SYNJ2: variants seen among roughly 807,000 people sequenced by gnomAD.
SYNJ2 encodes the protein synaptojanin 2, also known as polyphosphatidylinositol phosphatase SYNJ2.
SYNJ2 carries 116 observed loss-of-function variants against 141.3 expected under a neutral mutation model. The observed-to-expected ratio is 0.82, with a 90% CI of 0.71 to 0.96. SYNJ2 has a LOEUF of 0.96. SYNJ2 is among the 40% of genes least tolerant of loss of function. The pLI is 0.00. For synonymous variants in SYNJ2, 745 were observed against 777.7 expected (o/e 0.96, Z 0.70); for missense variants, 1,873 against 1,934.8 (o/e 0.97, Z 0.60).
intron 1 of SYNJ2, among the ~76,000 whole-genome samples, chr6:157,996,327 C>G (rs924984557): frequency 6.6e-6 from 1 of 152,130 alleles, no homozygotes; most frequent in Admixed American, 6.5e-5. Flanking sequence ...GCTGCTACAT[C>G]GAGAGTGCAG....
chr6:158,026,165 G>A (rs960162231), intron 2 of SYNJ2, among the ~76,000 whole-genome samples: 9 of 152,208 alleles, frequency 5.9e-5, no homozygotes, highest in East Asian at 3.9e-4. Flanking sequence ...ACAGTCATGC[G>A]TGTGTGAAAT....
At chr6:158,031,778 C>G (rs1779378312) in intron 3 of SYNJ2, among the ~76,000 whole-genome samples, 1 of 152,110 alleles carries the variant, frequency 6.6e-6, no homozygotes, top group African/African-American at 2.4e-5. Flanking sequence ...TGGGAGGAAA[C>G]TCTTTGGGGG....
At chr6:158,069,756 C>A (rs1203427520) in intron 14 of SYNJ2, 83 bp downstream of exon 14, 2 of 1,437,526 alleles carry the variant, frequency 1.4e-6, no homozygotes, top group East Asian at 4.8e-5. Context: ...CCCCTCCTCC[C>A]CCATCCCCTT....
At chr6:158,041,136 G>A (rs369844698) in intron 4 of SYNJ2, among the ~76,000 whole-genome samples, 1 of 152,172 alleles carries the variant, frequency 6.6e-6, no homozygotes, top group Non-Finnish European at 1.5e-5. Flanking sequence ...TGAACTTCAT[G>A]TAGAGAGAGG....
chr6:158,066,357 C>T (rs1781563545), intron 11 of SYNJ2, 87 bp from the exon 12 acceptor site: 2 of 1,478,840 alleles, frequency 1.4e-6, no homozygotes, highest in Non-Finnish European at 1.9e-6. Flanking sequence ...AACCATCTGT[C>T]TCTGCCAGGC....
intron 26 of SYNJ2, chr6:158,093,985 T>G (rs780106194): frequency 2.1e-5 from 16 of 765,182 alleles, no homozygotes; most frequent in Non-Finnish European, 2.6e-5. Flanking sequence ...CTGGCATCTG[T>G]AGACACATCT....
In SYNJ2 at chr6:158,027,049, A is replaced by G. The variant is rs2128334905; in HGVS notation, c.215-1707A>G. ...AACCCCCTGCCCTGCTGGCAGCCCC[A>G]CCCCATGGCATAGCAGCAGGCCCCT... On this transcript the variant is annotated intron_variant, in intron 2 of 26. Transcript: ENST00000355585. This position sits in a 1 kb window ranked among gnomAD's most constrained non-coding sequence, Gnocchi z 4.6. The G allele has an allele frequency of 4.1e-6, 4 of 985,148 alleles. No homozygotes were observed. Among genetic ancestry groups the G allele is most frequent in the Non-Finnish European group, 4.8e-6 (4 of 829,878 alleles). 61.0% of individuals were successfully genotyped at this position (985,148 alleles called of 1,614,324 possible).
chr6:158,052,068 A>C (rs1485271058), intron 5 of SYNJ2, among the ~76,000 whole-genome samples: 1 of 152,218 alleles, frequency 6.6e-6, no homozygotes, highest in Non-Finnish European at 1.5e-5. Context: ...GCTTTTCTTG[A>C]GTCTGAGATG....
intron 7 of SYNJ2, among the ~76,000 whole-genome samples, chr6:158,061,649 C>T (rs541453392): frequency 6.6e-6 from 1 of 151,846 alleles, no homozygotes; most frequent in East Asian, 1.9e-4. Flanking sequence ...GCACCTGGGC[C>T]ACCTGAAGAA....
At chr6:158,081,592 C>A in intron 20 of SYNJ2, 82 bp downstream of exon 20, 1 of 688,728 alleles carries the variant, frequency 1.5e-6, no homozygotes, top group Non-Finnish European at 2.4e-6. Context: ...CCTCCTCTTG[C>A]CCTGACCTGT....
At chr6:158,057,444 A>G (rs1248535387) in intron 6 of SYNJ2, among the ~76,000 whole-genome samples, 1 of 152,164 alleles carries the variant, frequency 6.6e-6, no homozygotes, top group African/African-American at 2.4e-5. Flanking sequence ...CACGTCCCAC[A>G]CACCAAGCAC....
At chr6:158,003,261 G>C (rs1055216035) in intron 1 of SYNJ2, among the ~76,000 whole-genome samples, 1 of 152,216 alleles carries the variant, frequency 6.6e-6, no homozygotes, top group Non-Finnish European at 1.5e-5. Flanking sequence ...GGACAGGAGA[G>C]TCCTTTAGCG....
intron 6 of SYNJ2, among the ~76,000 whole-genome samples, chr6:158,058,655 G>A (rs576444191): frequency 2.6e-5 from 4 of 152,212 alleles, no homozygotes; most frequent in East Asian, 3.8e-4. Context: ...GCCCAGGCAC[G>A]GTGGCTTATG....
chr6:158,069,305 T>C (rs958298305), intron 13 of SYNJ2, among the ~76,000 whole-genome samples: 1 of 152,152 alleles, frequency 6.6e-6, no homozygotes, highest in African/African-American at 2.4e-5. Context: ...GAGAAGGTCC[T>C]GGGTTGGGTT....
At chr6:158,095,142 CCTT>C (rs1227632303) in intron 26 of SYNJ2, among the ~76,000 whole-genome samples, 3 of 150,424 alleles carry the variant, frequency 2.0e-5, no homozygotes, top group Non-Finnish European at 3.0e-5. Context: ...GGGCGAGACT[CCTT>C]CTCAAAAAAA....
In SYNJ2 at chr6:158,071,608, A is replaced by G. The variant is rs1278696303; in HGVS notation, c.1947A>G (p.Val649=). 1 of 1,613,804 alleles carries G rather than the reference A, an allele frequency of 6.2e-7. No homozygotes were observed. The highest frequency in any genetic ancestry group is 8.5e-7 in the Non-Finnish European group (1 of 1,179,960). ...GCGTATCCTTCTGTTCCAGGGACGT[A>G]GCCATCGACACAGTGAAGACGGGCA... ...RPYHVPFIRD[V]AIDTVKTGMG... is the part of the protein sequence containing the mutation. Residue 649 remains valine, a synonymous_variant, in exon 15 of 27, where the codon GTA becomes GTG. Transcript: ENST00000355585. This position sits in a 1 kb window ranked among gnomAD's most constrained non-coding sequence, Gnocchi z 4.3.
chr6:158,034,471 T>C (rs532009806), intron 4 of SYNJ2, among the ~76,000 whole-genome samples: 1 of 152,312 alleles, frequency 6.6e-6, no homozygotes, highest in African/African-American at 2.4e-5. Flanking sequence ...TATGCGGACT[T>C]TGGCCACTTT....
chr6:158,083,583 A>C lies in SYNJ2; in HGVS notation c.3020A>C (p.Asp1007Ala). Reference protein sequence around the residue: ...LEENFDFTSLDYESEGDILED... With the variant: ...LEENFDFTSLAYESEGDILED... ...GAAAACTTTGACTTCACAAGTTTGG[A>C]CTATGAGTCAGAAGGTTAGTGACCC... The change falls in exon 21 of 27, where the codon GAC becomes GCC. Residue 1007 changes from aspartate (D) to alanine (A), a missense_variant. Physicochemically the swap from Asp to Ala is moderately radical, Grantham distance 126. Coordinates refer to ENST00000355585, the MANE Select transcript of SYNJ2 (RefSeq NM_003898.4). The C allele has an allele frequency of 6.2e-7, 1 of 1,614,180 alleles. No homozygotes were observed. The highest frequency in any genetic ancestry group is 2.2e-5 in the East Asian group (1 of 44,880).
In SYNJ2 at chr6:158,071,583, G is replaced by A. The variant is rs373911320; in HGVS notation, c.1941-19G>A. The A allele has an allele frequency of 1.8e-5, 29 of 1,610,460 alleles. No homozygotes were observed. In the African/African-American group the frequency reaches 2.3e-4, roughly 13 times the overall value. ...TCTCCTTCAGGAGCCGACGGCATGC[G>A]CGTATCCTTCTGTTCCAGGGACGTA... On this transcript the variant is annotated intron_variant, in intron 14 of 26. Coordinates refer to ENST00000355585, the MANE Select transcript of SYNJ2 (RefSeq NM_003898.4). This position sits in a 1 kb window ranked among gnomAD's most constrained non-coding sequence, Gnocchi z 4.3.
Sources: allele counts gnomAD v4.1 joint callset (sites outside exome capture counted in the v4.1 genomes callset), GRCh38; gene constraint gnomAD v4.1.1; non-coding constraint Gnocchi (gnomAD v3.1); transcripts MANE v1.5; gene names NCBI Gene and HGNC (gene_info 2026-07-23, HGNC 2026-07-21).